ZZEF1: variants seen among roughly 807,000 people sequenced by gnomAD.
The protein encoded by ZZEF1 is zinc finger ZZ-type and EF-hand domain-containing protein 1.
Under a neutral mutation model 342.8 loss-of-function variants are expected in ZZEF1, and 157 were observed. That is an observed-to-expected ratio of 0.46 (90% CI 0.40 to 0.52). The LOEUF (loss-of-function observed/expected upper bound fraction) is 0.52. Ranked by LOEUF, ZZEF1 falls within the 20% of genes least tolerant of loss-of-function variation. The pLI, the probability that ZZEF1 is intolerant of heterozygous loss-of-function variation, is 0.00. For synonymous variants in ZZEF1, 1,505 were observed against 1,429.1 expected (o/e 1.05, Z -1.20); for missense variants, 3,480 against 3,725.6 (o/e 0.93, Z 1.72).
chr17:4,112,621 C>T lies in ZZEF1; in HGVS notation c.1054G>A (p.Val352Ile), dbSNP rs374241387. Reference sequence around the variant, plus strand: ...CTGTTGGACTTACAGAGCTGACTGACGTTGGCATTTTCCAGCAGCGTCACA... The same window carrying T: ...CTGTTGGACTTACAGAGCTGACTGATGTTGGCATTTTCCAGCAGCGTCACA... Reference protein sequence around the residue: ...GYVTLLENANVSQLYVQINIK... With the variant: ...GYVTLLENANISQLYVQINIK... Residue 352 changes from valine (V) to isoleucine (I), a missense_variant, in exon 5 of 55, where the codon GTC (valine) becomes ATC (isoleucine). Val to Ile is a conservative substitution (Grantham distance 29, BLOSUM62 3). Transcript: ENST00000381638. The T allele has an allele frequency of 5.0e-6, 8 of 1,614,150 alleles. No individual in the cohort carries two copies. Among genetic ancestry groups the T allele is most frequent in the East Asian group, 2.2e-5 (1 of 44,882 alleles).
intron 3 of ZZEF1, among the ~76,000 whole-genome samples, chr17:4,114,846 T>G (rs1218121525): frequency 1.3e-5 from 2 of 152,228 alleles, no homozygotes; most frequent in Non-Finnish European, 2.9e-5. Flanking sequence ...GAATTTACAT[T>G]TTTTAAATAA....
Position 4,006,806 on chromosome 17 carries a change from CAGG to C in ZZEF1, c.*81_*83del. The C allele has an allele frequency of 7.0e-7, 1 of 1,433,850 alleles. No individual in the cohort carries two copies. The highest frequency in any genetic ancestry group is 1.2e-5 in the South Asian group (1 of 81,622). 88.8% of individuals were successfully genotyped at this position (1,433,850 alleles called of 1,614,324 possible). ...CAAGGAGAGCTGGGCACTGGCGCTACAGGAGTTTTCCTGAATGAGGTTAGATGT... is the reference window on the plus strand; with the variant it reads ...CAAGGAGAGCTGGGCACTGGCGCTACAGTTTTCCTGAATGAGGTTAGATGT... On this transcript the variant is annotated 3_prime_UTR_variant, in exon 55 of 55. Transcript: ENST00000381638.
chr17:4,066,506 C>T lies in ZZEF1; in HGVS notation c.4190G>A (p.Gly1397Glu). 2 of 1,614,090 alleles carry T rather than the reference C, an allele frequency of 1.2e-6. No homozygotes were observed. Among genetic ancestry groups the T allele is most frequent in the African/African-American group, 2.7e-5 (2 of 74,998 alleles). Residue 1397 changes from glycine (G) to glutamate (E), a missense_variant, in exon 28 of 55, where the codon GGG (glycine) becomes GAG (glutamate). Gly to Glu is a moderately conservative substitution (Grantham distance 98, BLOSUM62 -2). Around this residue, in one of 5 missense-constraint regions of ZZEF1, gnomAD observed 1,528 missense variants for 1,624.1 expected, o/e 0.94. Coordinates refer to ENST00000381638, the MANE Select transcript of ZZEF1 (RefSeq NM_015113.4). ...ACTATGTTTTTCTTCTGCTTCATTC[C>T]CCAGGCTCATCAGGGACTTCTGCTT... ...EMKQKSLMSL[G>E]NEAEEKHSSE...
rs1306055002 is a variant in ZZEF1, at chr17:4,014,286, C to G, written c.8314+61G>C. On this transcript the variant is annotated intron_variant, in intron 50 of 54. Transcript: ENST00000381638. The surrounding 1 kb of genome is among the most constrained non-coding windows in gnomAD (Gnocchi z 4.4). ...AACATTCTCCAGTAAGTTCCCTTCTCAATATTAAGTTTAAACACTGCCTGT... is the reference window on the plus strand; with the variant it reads ...AACATTCTCCAGTAAGTTCCCTTCTGAATATTAAGTTTAAACACTGCCTGT... 6.2e-7 allele frequency: 1 copy of G among 1,611,216 alleles called. No homozygotes were observed. Among genetic ancestry groups the G allele is most frequent in the African/African-American group, 1.3e-5 (1 of 74,814 alleles).
At chr17:4,063,411 A>G (rs1348542429) in intron 29 of ZZEF1, among the ~76,000 whole-genome samples, 1 of 152,218 alleles carries the variant, frequency 6.6e-6, no homozygotes, top group Non-Finnish European at 1.5e-5. Flanking sequence ...CCATGTTTCT[A>G]GAAAATGCCA....
In ZZEF1 at chr17:4,071,571, G is replaced by A. The variant is rs1458748064; in HGVS notation, c.3835-647C>T. ...AGGTGCAAATGAGGGCCCGGATAAA[G>A]ATGCAGACAGAGGAAAGGACAGAGA... On this transcript the variant is annotated intron_variant, in intron 25 of 54. Transcript: ENST00000381638. 2.0e-5 allele frequency: 3 copies of A among 152,618 alleles called. No homozygotes were observed. The East Asian group carries it at 5.8e-4, about 29-fold the overall frequency. 9.5% of individuals were successfully genotyped at this position (152,618 alleles called of 1,614,324 possible). A position where few individuals can be genotyped will look rare whatever the true frequency, so the allele number is the denominator to read the frequency against.
At position 4,036,809 on chromosome 17, in the gene ZZEF1, ACACACACACTCTCTCTCT is replaced by A. The variant is rs1204458306; in HGVS notation, c.6307-2535_6307-2518del. 2.8e-4 allele frequency among the ~76,000 whole-genome samples: 26 copies of A among 91,472 alleles called. 1 individual carries two copies. The East Asian group carries it at 4.3e-3, about 15-fold the overall frequency. The allele number at this position is 91,472 out of a possible 152,430, so 60.0% of individuals were successfully genotyped here. Reference sequence around the variant, plus strand: ...CACACACACACACACACACACACACACACACACACTCTCTCTCTCTCTCTCTCTCTCTCTCCCCGCACC... The same window carrying A: ...CACACACACACACACACACACACACACTCTCTCTCTCTCTCTCCCCGCACC... On this transcript the variant is annotated intron_variant, in intron 39 of 54. Coordinates refer to ENST00000381638, the MANE Select transcript of ZZEF1 (RefSeq NM_015113.4).
In ZZEF1 at chr17:4,085,776, A is replaced by T; in HGVS notation, c.2540T>A (p.Val847Glu). The change falls in exon 16 of 55, where the codon GTG becomes GAG. Residue 847 changes from valine (V) to glutamate (E), a missense_variant. Around this residue, in one of 5 missense-constraint regions of ZZEF1, gnomAD observed 1,528 missense variants for 1,624.1 expected, o/e 0.94. Coordinates refer to ENST00000381638, the MANE Select transcript of ZZEF1 (RefSeq NM_015113.4). ...DVVDKVDGDSVPMEILKQEVR... is the reference protein window; with the variant it reads ...DVVDKVDGDSEPMEILKQEVR... ...TTCTTGTTTTAGTATCTCCATGGGC[A>T]CAGAGTCTCCATCCACCTTGTCCAC... 6.2e-7 allele frequency: 1 copy of T among 1,614,164 alleles called. No homozygotes were observed.
At chr17:4,067,574 T>C (rs2057425214) in intron 26 of ZZEF1, among the ~76,000 whole-genome samples, 1 of 152,136 alleles carries the variant, frequency 6.6e-6, no homozygotes, top group Non-Finnish European at 1.5e-5. Context: ...TATTTATTGA[T>C]ATGGAAGAAA....
chr17:4,130,726 A>G (rs1157970993), intron 1 of ZZEF1, among the ~76,000 whole-genome samples: 1 of 152,150 alleles, frequency 6.6e-6, no homozygotes, highest in Non-Finnish European at 1.5e-5. Flanking sequence ...GAATGCAGAA[A>G]ACGTAGGGGA....
rs759617782 is a variant in ZZEF1, at chr17:4,049,846, T to C, written c.5877A>G (p.Leu1959=). 7.4e-6 allele frequency: 12 copies of C among 1,614,192 alleles called. No individual in the cohort carries two copies. The highest frequency in any genetic ancestry group is 1.6e-4 in the Middle Eastern group (1 of 6,062). ...CATCTGGCAATACACCCAGCAAAGCTAGAGCTTTAAGGCCTATGTGGGAAG... is the reference window on the plus strand; with the variant it reads ...CATCTGGCAATACACCCAGCAAAGCCAGAGCTTTAAGGCCTATGTGGGAAG... The part of the protein sequence containing the change: ...KAHQGKGLKA[L]ALLGVLPDGD... The change falls in exon 37 of 55, where the codon CTA becomes CTG. Residue 1959 remains leucine, a synonymous_variant. Coordinates refer to ENST00000381638, the MANE Select transcript of ZZEF1 (RefSeq NM_015113.4).
intron 13 of ZZEF1, among the ~76,000 whole-genome samples, chr17:4,088,180 C>A (rs894461667): frequency 1.3e-5 from 2 of 152,144 alleles, no homozygotes; most frequent in Non-Finnish European, 2.9e-5. Flanking sequence ...CTGTAAGAAT[C>A]TTCCTTTGAG....
At chr17:4,060,771 T>C (rs1276805734) in intron 30 of ZZEF1, among the ~76,000 whole-genome samples, 1 of 152,164 alleles carries the variant, frequency 6.6e-6, no homozygotes, top group Non-Finnish European at 1.5e-5. Flanking sequence ...GGAATTCCCT[T>C]ACCTTTGCAC....
At chr17:4,044,411 T>C in intron 37 of ZZEF1, 37 bp from the exon 38 acceptor site, 1 of 1,573,844 alleles carries the variant, frequency 6.4e-7, no homozygotes. Context: ...TAAGGTTTCT[T>C]ATAACAAAGT....
chr17:4,118,653 G>A (rs748387935), intron 2 of ZZEF1, among the ~76,000 whole-genome samples: 2 of 152,192 alleles, frequency 1.3e-5, no homozygotes. Context: ...ACACCCAAAT[G>A]AGGAATGCAC....
At chr17:4,070,659 A>T (rs2057490015) in intron 26 of ZZEF1, 25 bp downstream of exon 26, 4 of 1,606,670 alleles carry the variant, frequency 2.5e-6, no homozygotes, top group Non-Finnish European at 3.4e-6. Flanking sequence ...CTTCAGATCA[A>T]AAATATTCCC....
chr17:4,142,883 G>T lies in ZZEF1; in HGVS notation c.13C>A (p.Pro5Thr). The change falls in exon 1 of 55, where the codon CCG (proline) becomes ACG (threonine). Residue 5 changes from proline (P) to threonine (T), a missense_variant. By Grantham distance (38) the Pro-to-Thr change is conservative (BLOSUM62 -1). Around this residue, in one of 5 missense-constraint regions of ZZEF1, gnomAD observed 416 missense variants for 374.2 expected, o/e 1.11. Coordinates refer to ENST00000381638, the MANE Select transcript of ZZEF1 (RefSeq NM_015113.4). MGNA[P>T]SHSSEDEAAA... The stretch of plus-strand genomic sequence containing the variant: ...GCTTCGTCTTCACTGCTGTGACTCG[G>T]AGCGTTCCCCATGGGGTCTCCGTCT... The T allele has an allele frequency of 1.5e-6, 2 of 1,367,924 alleles. No homozygotes were observed. Among genetic ancestry groups the T allele is most frequent in the South Asian group, 1.8e-5 (1 of 55,320 alleles). 84.7% of individuals were successfully genotyped at this position (1,367,924 alleles called of 1,614,324 possible). A position where few individuals can be genotyped will look rare whatever the true frequency, so the allele number is the denominator to read the frequency against.
intron 16 of ZZEF1, among the ~76,000 whole-genome samples, chr17:4,084,541 T>C (rs1412213935): frequency 6.6e-6 from 1 of 152,226 alleles, no homozygotes; most frequent in African/African-American, 2.4e-5. Flanking sequence ...TTTACCATCA[T>C]TGTAACACAG....
At chr17:4,111,798 G>A (rs1248545767) in intron 5 of ZZEF1, among the ~76,000 whole-genome samples, 2 of 144,120 alleles carry the variant, frequency 1.4e-5, no homozygotes, top group Non-Finnish European at 3.0e-5. Context: ...AACGTTTTGG[G>A]AGGCCAAGGT....
Sources: gnomAD v4.1 joint callset for allele counts (sites outside exome capture counted in the v4.1 genomes callset) on GRCh38, gnomAD v4.1.1 for gene constraint, gnomAD v4.1.1 regional missense constraint, Gnocchi (gnomAD v3.1) non-coding constraint, MANE v1.5 for transcripts, NCBI Gene and HGNC (gene_info 2026-07-23, HGNC 2026-07-21) for gene names.